PLCL1: variants seen among roughly 807,000 people sequenced by gnomAD.
PLCL1 encodes the protein inactive phospholipase C-like protein 1.
Under a neutral mutation model 84.4 loss-of-function variants are expected in PLCL1, and 41 were observed. The ratio of observed to expected loss-of-function variants is 0.49; its 90% CI spans 0.38 to 0.63. PLCL1 has a LOEUF of 0.63. PLCL1 is among the 30% of genes least tolerant of loss of function. The probability of loss-of-function intolerance (pLI) is 0.00; values close to 1 mark genes in which losing one functional copy is unlikely to be tolerated. For missense variants in PLCL1, 1,206 were observed against 1,367.8 expected (o/e 0.88, Z 1.87); for synonymous variants, 490 against 488.3 (o/e 1.00, Z -0.05).
intron 1 of PLCL1, among the ~76,000 whole-genome samples, chr2:197,860,901 T>C (rs1687419834): frequency 6.6e-6 from 1 of 152,242 alleles, no homozygotes; most frequent in Non-Finnish European, 1.5e-5. Context: ...TTTTTGCTTT[T>C]ATTGCAATTG....
intron 1 of PLCL1, among the ~76,000 whole-genome samples, chr2:197,836,712 A>T (rs1374818041): frequency 6.6e-6 from 1 of 152,122 alleles, no homozygotes; most frequent in African/African-American, 2.4e-5. Flanking sequence ...ATTGATTGAA[A>T]AATATTTACT....
chr2:197,855,737 G>A (rs967175302), intron 1 of PLCL1, among the ~76,000 whole-genome samples: 1 of 151,998 alleles, frequency 6.6e-6, no homozygotes, highest in Non-Finnish European at 1.5e-5. Context: ...CTCCACTTGG[G>A]TTAGTCTTTG....
In PLCL1 at chr2:197,879,558, A is replaced by C. The variant is rs1263218416; in HGVS notation, c.240+74219A>C. Among the ~76,000 whole-genome samples the C allele has an allele frequency of 2.6e-5, 4 of 152,160 alleles. No homozygotes were observed. The East Asian group carries it at 7.7e-4, about 29-fold the overall frequency. On this transcript the variant is annotated intron_variant, in intron 1 of 5. Transcript: ENST00000428675. The stretch of plus-strand genomic sequence containing the variant: ...GGCATTATGGTATATGTAGACTTCT[A>C]GGATGTTATGATTTCTTTATGCTTT...
intron 1 of PLCL1, among the ~76,000 whole-genome samples, chr2:198,005,684 G>A (rs1324492628): frequency 6.6e-6 from 1 of 152,182 alleles, no homozygotes; most frequent in East Asian, 1.9e-4. Context: ...GGTGTGGGCG[G>A]TGGTCAGGGA....
At chr2:198,059,666 C>T (rs1420060390) in intron 1 of PLCL1, among the ~76,000 whole-genome samples, 1 of 152,024 alleles carries the variant, frequency 6.6e-6, no homozygotes, top group African/African-American at 2.4e-5. Flanking sequence ...CCCCCTGCCT[C>T]CTCTACCCAG....
At chr2:198,028,268 T>C (rs1380206964) in intron 1 of PLCL1, among the ~76,000 whole-genome samples, 1 of 152,192 alleles carries the variant, frequency 6.6e-6, no homozygotes, top group East Asian at 1.9e-4. Context: ...ATTACATCAA[T>C]TGTTATTATG....
chr2:197,866,125 C>CTA lies in PLCL1; in HGVS notation c.240+60799_240+60800dup, dbSNP rs557083955. Among the ~76,000 whole-genome samples the CTA allele has an allele frequency of 7.6e-3, 56 of 7,326 alleles. 11 individuals carry two copies. In the East Asian group the frequency reaches 0.086, roughly 11 times the overall value. The allele number at this position is 7,326 out of a possible 152,430, so 4.8% of individuals were successfully genotyped here. A position where few individuals can be genotyped will look rare whatever the true frequency, so the allele number is the denominator to read the frequency against. On this transcript the variant is annotated intron_variant, in intron 1 of 5. Coordinates refer to ENST00000428675, the MANE Select transcript of PLCL1 (RefSeq NM_006226.4). Reference sequence around the variant, plus strand: ...TATATAAACTATATATATATATAAACTATATATATATATAAACTATATATA... The same window carrying CTA: ...TATATAAACTATATATATATATAAACTATATATATATATATAAACTATATATA...
At position 197,844,691 on chromosome 2, in the gene PLCL1, G is replaced by A. The variant is rs569813797; in HGVS notation, c.240+39352G>A. On this transcript the variant is annotated intron_variant, in intron 1 of 5. Coordinates refer to ENST00000428675, the MANE Select transcript of PLCL1 (RefSeq NM_006226.4). ...TCTAAAATTTTAGTATTATATTCTA[G>A]CTATTTGAATACAGTGAATCAATAT... Among the ~76,000 whole-genome samples the A allele has an allele frequency of 4.5e-4, 68 of 152,028 alleles. 2 individuals are homozygous for A. In the South Asian group the frequency reaches 1.0e-2, roughly 22 times the overall value.
chr2:197,998,664 T>C (rs1365256724), intron 1 of PLCL1, among the ~76,000 whole-genome samples: 1 of 152,172 alleles, frequency 6.6e-6, no homozygotes, highest in Admixed American at 6.5e-5. Context: ...GTTGGCTACA[T>C]AGAACCTCCA....
chr2:198,018,125 A>C (rs913436911), intron 1 of PLCL1, among the ~76,000 whole-genome samples: 1 of 152,116 alleles, frequency 6.6e-6, no homozygotes, highest in African/African-American at 2.4e-5. Context: ...GGGAAGTGCA[A>C]GGGGTTGGGG....
chr2:198,143,080 T>C (rs1694426499), intron 5 of PLCL1, among the ~76,000 whole-genome samples: 1 of 152,186 alleles, frequency 6.6e-6, no homozygotes, highest in Non-Finnish European at 1.5e-5. Context: ...ATTAAAACAC[T>C]TTCTTAAGAA....
At chr2:197,881,044 T>A (rs866231067) in intron 1 of PLCL1, among the ~76,000 whole-genome samples, 1 of 152,156 alleles carries the variant, frequency 6.6e-6, no homozygotes, top group Non-Finnish European at 1.5e-5. Context: ...TGGTTCTCCT[T>A]CAGAATTGTT....
chr2:198,017,316 T>C (rs943856890), intron 1 of PLCL1, among the ~76,000 whole-genome samples: 2 of 152,162 alleles, frequency 1.3e-5, no homozygotes, highest in Non-Finnish European at 2.9e-5. Context: ...GATTCAGCCT[T>C]AGAACTGGGG....
intron 5 of PLCL1, among the ~76,000 whole-genome samples, chr2:198,131,382 C>T: frequency 6.6e-6 from 1 of 152,182 alleles, no homozygotes; most frequent in South Asian, 2.1e-4. Flanking sequence ...ACTATCATAG[C>T]ACTTTAATTG....
At chr2:198,134,265 A>G (rs1694198744) in intron 5 of PLCL1, among the ~76,000 whole-genome samples, 1 of 152,156 alleles carries the variant, frequency 6.6e-6, no homozygotes, top group African/African-American at 2.4e-5. Flanking sequence ...AGTAACATTA[A>G]TCTGGTGTTT....
At chr2:198,025,115 A>T (rs1691232420) in intron 1 of PLCL1, among the ~76,000 whole-genome samples, 2 of 152,132 alleles carry the variant, frequency 1.3e-5, no homozygotes, top group South Asian at 4.1e-4. Context: ...AATAATCTAA[A>T]ACTTGTACAT....
At chr2:198,026,449 G>A (rs1397357715) in intron 1 of PLCL1, among the ~76,000 whole-genome samples, 4 of 152,098 alleles carry the variant, frequency 2.6e-5, no homozygotes, top group Admixed American at 1.3e-4. Flanking sequence ...ATTGAACAGA[G>A]TAGTTGTTAT....
At chr2:197,864,136 A>T (rs1687483426) in intron 1 of PLCL1, among the ~76,000 whole-genome samples, 1 of 152,200 alleles carries the variant, frequency 6.6e-6, no homozygotes, top group Non-Finnish European at 1.5e-5. Flanking sequence ...TGCCTGATAA[A>T]GATATCTTGA....
chr2:197,919,302 C>T (rs1447292120), intron 1 of PLCL1, among the ~76,000 whole-genome samples: 1 of 152,032 alleles, frequency 6.6e-6, no homozygotes, highest in Non-Finnish European at 1.5e-5. Flanking sequence ...AAGACAACAC[C>T]CATAGGGTCA....
Sources: gnomAD v4.1 joint callset for allele counts (sites outside exome capture counted in the v4.1 genomes callset) on GRCh38, gnomAD v4.1.1 for gene constraint, MANE v1.5 for transcripts, NCBI Gene and HGNC (gene_info 2026-07-23, HGNC 2026-07-21) for gene names.